DGKI: variants seen among roughly 807,000 people sequenced by gnomAD.
The protein encoded by DGKI is diacylglycerol kinase iota.
DGKI carries 55 observed loss-of-function variants against 147.5 expected under a neutral mutation model. That is an observed-to-expected ratio of 0.37 (90% CI 0.30 to 0.47). DGKI has a LOEUF of 0.47. Among genes scored for constraint, DGKI ranks in the 20% least tolerant of loss-of-function variants. DGKI has a pLI of 1.00. For missense variants in DGKI, 1,007 were observed against 1,323.8 expected, an observed-to-expected ratio of 0.76 and a Z score of 3.71; for synonymous variants, 469 against 477.1, an observed-to-expected ratio of 0.98 and a Z score of 0.22.
chr7:137,428,618 T>G (rs960023144), intron 28 of DGKI, among the ~76,000 whole-genome samples: 6 of 152,204 alleles, frequency 3.9e-5, no homozygotes, highest in South Asian at 4.2e-4. Flanking sequence ...AATTGTCCCT[T>G]TTTGCAGATG....
At chr7:137,781,609 G>A (rs182237079) in intron 1 of DGKI, among the ~76,000 whole-genome samples, 1 of 152,346 alleles carries the variant, frequency 6.6e-6, no homozygotes, top group Non-Finnish European at 1.5e-5. Context: ...CTGCAGGGCT[G>A]GGGCAGGCCC....
chr7:137,600,701 A>T (rs1247836986), intron 10 of DGKI, among the ~76,000 whole-genome samples: 2 of 152,172 alleles, frequency 1.3e-5, no homozygotes, highest in Admixed American at 1.3e-4. Context: ...GCTAAGTATT[A>T]ATATAATTTT....
intron 1 of DGKI, among the ~76,000 whole-genome samples, chr7:137,844,662 T>C (rs965467746): frequency 2.0e-5 from 3 of 152,248 alleles, no homozygotes; most frequent in African/African-American, 7.2e-5. Flanking sequence ...TGTGTCCATG[T>C]CTATGCTTGT....
At chr7:137,752,870 G>C (rs1293390995) in intron 1 of DGKI, among the ~76,000 whole-genome samples, 1 of 152,084 alleles carries the variant, frequency 6.6e-6, no homozygotes, top group African/African-American at 2.4e-5. Flanking sequence ...TCTGCGGCTT[G>C]TCCTGCTACA....
chr7:137,530,393 T>C (rs1262267180), intron 20 of DGKI, among the ~76,000 whole-genome samples: 1 of 152,134 alleles, frequency 6.6e-6, no homozygotes, highest in Non-Finnish European at 1.5e-5. Context: ...CTCCTTCCAC[T>C]AAAACCCCTT....
intron 3 of DGKI, among the ~76,000 whole-genome samples, chr7:137,659,907 T>C (rs1333954510): frequency 6.6e-6 from 1 of 152,214 alleles, no homozygotes; most frequent in African/African-American, 2.4e-5. Flanking sequence ...CACTCCAGCC[T>C]GGGCGACAGA....
At chr7:137,652,125 G>GT (rs971237381) in intron 5 of DGKI, among the ~76,000 whole-genome samples, 5 of 152,032 alleles carry the variant, frequency 3.3e-5, no homozygotes, top group South Asian at 2.1e-4. Flanking sequence ...ATGTTTTTGG[G>GT]TTTTTTTAAA....
chr7:137,836,980 T>G (rs1253356715), intron 1 of DGKI, among the ~76,000 whole-genome samples: 1 of 152,148 alleles, frequency 6.6e-6, no homozygotes, highest in Non-Finnish European at 1.5e-5. Context: ...TATGGCTATT[T>G]GCACACAGAG....
intron 25 of DGKI, among the ~76,000 whole-genome samples, chr7:137,466,329 T>C (rs1413739390): frequency 1.3e-5 from 2 of 152,208 alleles, no homozygotes; most frequent in African/African-American, 2.4e-5. Flanking sequence ...CCACATACAA[T>C]TGGCCCAGCA....
At chr7:137,582,409 C>G (rs1216445998) in intron 14 of DGKI, among the ~76,000 whole-genome samples, 1 of 147,018 alleles carries the variant, frequency 6.8e-6, no homozygotes, top group Non-Finnish European at 1.5e-5. Flanking sequence ...TATCCATCAC[C>G]CATTTTCTCT....
rs1554446609 is a variant in DGKI at position 137,638,613 on chromosome 7, C to CATATATGTATGTGTGTATATAT, written c.804+6858_804+6859insATATATACACACATACATATAT. On this transcript the variant is annotated intron_variant, in intron 6 of 32. Coordinates refer to ENST00000614521, the MANE Select transcript of DGKI (RefSeq NM_001321708.2). ...ATATATACATATATGTATATATATA[C>CATATATGTATGTGTGTATATAT]ACACACACATATATATGTGTGTATA... is the stretch of plus-strand genomic sequence containing the variant. Among the ~76,000 whole-genome samples the CATATATGTATGTGTGTATATAT allele has an allele frequency of 2.5e-4, 4 of 15,746 alleles. 1 individual carries two copies. Among genetic ancestry groups the CATATATGTATGTGTGTATATAT allele is most frequent in the Admixed American group, 1.1e-3 (1 of 900 alleles). 10.3% of individuals were successfully genotyped at this position (15,746 alleles called of 152,430 possible).
At chr7:137,811,535 C>T (rs937043608) in intron 1 of DGKI, among the ~76,000 whole-genome samples, 1 of 152,096 alleles carries the variant, frequency 6.6e-6, no homozygotes, top group African/African-American at 2.4e-5. Flanking sequence ...TTTTTCAAAG[C>T]CATCAGAAAG....
intron 2 of DGKI, among the ~76,000 whole-genome samples, chr7:137,682,577 A>C (rs1378282849): frequency 6.6e-6 from 1 of 152,190 alleles, no homozygotes; most frequent in Non-Finnish European, 1.5e-5. Context: ...CCCAATCCAC[A>C]GATGTTAGCA....
intron 19 of DGKI, among the ~76,000 whole-genome samples, chr7:137,554,790 G>A (rs544894180): frequency 2.0e-5 from 3 of 151,392 alleles, no homozygotes; most frequent in Non-Finnish European, 4.4e-5. Context: ...AGTACCCGAA[G>A]GAAAAAATCT....
intron 28 of DGKI, among the ~76,000 whole-genome samples, chr7:137,417,140 T>TA (rs1420319483): frequency 6.6e-6 from 1 of 152,220 alleles, no homozygotes; most frequent in Admixed American, 6.5e-5. Context: ...CATAGTTTCT[T>TA]AAGCTCTGAG....
chr7:137,684,709 T>C (rs1823357325), intron 2 of DGKI, among the ~76,000 whole-genome samples: 1 of 152,246 alleles, frequency 6.6e-6, no homozygotes, highest in East Asian at 1.9e-4. Flanking sequence ...CACTGATTTA[T>C]AGTGAGTAGT....
intron 12 of DGKI, among the ~76,000 whole-genome samples, chr7:137,590,468 T>C (rs1034133997): frequency 6.6e-6 from 1 of 152,166 alleles, no homozygotes; most frequent in Non-Finnish European, 1.5e-5. Flanking sequence ...TCAATATTAC[T>C]AGAAACCAAA....
chr7:137,414,985 A>G (rs1048654537), intron 28 of DGKI, among the ~76,000 whole-genome samples: 1 of 152,210 alleles, frequency 6.6e-6, no homozygotes, highest in East Asian at 1.9e-4. Context: ...AGTTTTCAGT[A>G]TTTTGTGACT....
At chr7:137,529,730 G>C (rs1224585860) in intron 20 of DGKI, among the ~76,000 whole-genome samples, 1 of 152,122 alleles carries the variant, frequency 6.6e-6, no homozygotes, top group African/African-American at 2.4e-5. Flanking sequence ...TCCAATTCTG[G>C]AATTTTACAT....
Sources: gnomAD v4.1 joint callset for allele counts (sites outside exome capture counted in the v4.1 genomes callset) on GRCh38, gnomAD v4.1.1 for gene constraint, MANE v1.5 for transcripts, NCBI Gene and HGNC (gene_info 2026-07-23, HGNC 2026-07-21) for gene names.